Variants in TENM2 observed in about 807,000 individuals in gnomAD.
The protein encoded by TENM2 is teneurin-2.
Under a neutral mutation model 245.2 loss-of-function variants are expected in TENM2, and 52 were observed. That is an observed-to-expected ratio of 0.21 (90% CI 0.17 to 0.27). The LOEUF (loss-of-function observed/expected upper bound fraction) is 0.27. Ranked by LOEUF, TENM2 falls within the 10% of genes least tolerant of loss-of-function variation. The pLI is 1.00. For missense variants in TENM2, 3,046 were observed against 3,666.8 expected (o/e 0.83, Z 4.37); for synonymous variants, 1,363 against 1,438.9 (o/e 0.95, Z 1.19).
intron 2 of TENM2, among the ~76,000 whole-genome samples, chr5:167,473,411 A>C (rs754505749): frequency 6.6e-6 from 1 of 152,220 alleles, no homozygotes; most frequent in Non-Finnish European, 1.5e-5. Context: ...TTCCCTAGAC[A>C]TATTTAAACT....
chr5:167,084,361 A>ATATATG, the TENM2 span, among the ~76,000 whole-genome samples: 1 of 118,424 alleles, frequency 8.4e-6, no homozygotes, highest in Admixed American at 8.9e-5. Flanking sequence ...ATATATATAT[A>ATATATG]TATATACAGA....
chr5:168,236,937 ATCATATATATATATATATATATATATAT>A (rs1562318437), intron 25 of TENM2, among the ~76,000 whole-genome samples: 42 of 61,334 alleles, frequency 6.8e-4, no homozygotes, highest in Non-Finnish European at 1.2e-3. Context: ...AGATGTCCTA[ATCATATATATATATATATATATATATAT>A]ATATATATAT....
At chr5:168,022,114 T>A (rs769059891) in intron 5 of TENM2, among the ~76,000 whole-genome samples, 1 of 152,258 alleles carries the variant, frequency 6.6e-6, no homozygotes, top group Non-Finnish European at 1.5e-5. Flanking sequence ...TAAATAAAGA[T>A]GACCTTTGTT....
chr5:168,207,925 A>T (rs561661818), intron 19 of TENM2, among the ~76,000 whole-genome samples: 3 of 152,182 alleles, frequency 2.0e-5, no homozygotes, highest in Non-Finnish European at 4.4e-5. Context: ...AATGGTTATC[A>T]CCTGCGTGCT....
the TENM2 span, among the ~76,000 whole-genome samples, chr5:167,214,210 G>T: frequency 6.6e-6 from 1 of 152,142 alleles, no homozygotes; most frequent in Non-Finnish European, 1.5e-5. Context: ...CTGATTTACA[G>T]CATTTGCCCC....
chr5:167,065,620 G>A, the TENM2 span, among the ~76,000 whole-genome samples: 1 of 152,206 alleles, frequency 6.6e-6, no homozygotes, highest in African/African-American at 2.4e-5. Context: ...AATACATAGT[G>A]ATGGCTAATA....
At chr5:167,668,959 T>C (rs1755755724) in intron 2 of TENM2, among the ~76,000 whole-genome samples, 1 of 152,032 alleles carries the variant, frequency 6.6e-6, no homozygotes, top group African/African-American at 2.4e-5. Flanking sequence ...GTCTCAAAAA[T>C]AAATAAATAA....
rs1167899330 is a variant in TENM2 at position 168,253,372 on chromosome 5, A to G, written c.7432+5001A>G. Reference sequence around the variant, plus strand: ...ATGACATGTAAAGTGCCTAGCACAGAGCAAAGGCTAATAAAAGCACAGAGC... The same window carrying G: ...ATGACATGTAAAGTGCCTAGCACAGGGCAAAGGCTAATAAAAGCACAGAGC... On this transcript the variant is annotated intron_variant, in intron 27 of 28. Transcript: ENST00000518659. 5.3e-5 allele frequency among the ~76,000 whole-genome samples: 8 copies of G among 152,226 alleles called. No homozygotes were observed. The East Asian group carries it at 1.5e-3, about 29-fold the overall frequency.
the TENM2 span, among the ~76,000 whole-genome samples, chr5:167,190,485 C>G: frequency 1.2e-4 from 18 of 152,050 alleles, no homozygotes; most frequent in East Asian, 2.9e-3. Context: ...ATGTTTGGAA[C>G]CTTGAAAACC....
At chr5:167,847,288 A>G (rs1455634456) in intron 2 of TENM2, among the ~76,000 whole-genome samples, 1 of 152,130 alleles carries the variant, frequency 6.6e-6, no homozygotes, top group African/African-American at 2.4e-5. Flanking sequence ...TGTCTTTTCT[A>G]ACATCCTCTC....
chr5:167,287,961 A>C (rs1754390011), intron 1 of TENM2: 1 of 152,198 alleles, frequency 6.6e-6, no homozygotes, highest in Non-Finnish European at 1.5e-5. Flanking sequence ...CAGTGGTCTG[A>C]TCCCTGGTCA....
chr5:167,903,062 T>C (rs1212940273), intron 3 of TENM2, among the ~76,000 whole-genome samples: 1 of 152,206 alleles, frequency 6.6e-6, no homozygotes, highest in Non-Finnish European at 1.5e-5. Context: ...ACATATATCA[T>C]AGCATCACTT....
chr5:167,886,398 A>T (rs1360793715), intron 3 of TENM2, among the ~76,000 whole-genome samples: 1 of 152,234 alleles, frequency 6.6e-6, no homozygotes, highest in Non-Finnish European at 1.5e-5. Flanking sequence ...CAGTAATGTA[A>T]ACATTGAATA....
intron 2 of TENM2, among the ~76,000 whole-genome samples, chr5:167,523,731 A>G (rs564465346): frequency 1.8e-4 from 27 of 152,280 alleles, no homozygotes; most frequent in Non-Finnish European, 3.1e-4. Context: ...TTAGCACCTA[A>G]TAGAATAATA....
chr5:167,992,607 A>T (rs562044042), intron 4 of TENM2, among the ~76,000 whole-genome samples: 54 of 152,356 alleles, frequency 3.5e-4, no homozygotes, highest in African/African-American at 1.2e-3. Context: ...TTTTTAAAAA[A>T]TAGTAGGTAT....
chr5:167,001,163 A>C, the TENM2 span, among the ~76,000 whole-genome samples: 1 of 152,118 alleles, frequency 6.6e-6, no homozygotes, highest in East Asian at 1.9e-4. Flanking sequence ...ACTTGATGAG[A>C]GGCCTTGACT....
intron 2 of TENM2, among the ~76,000 whole-genome samples, chr5:167,407,335 A>G (rs1762688771): frequency 6.6e-6 from 1 of 152,152 alleles, no homozygotes; most frequent in Non-Finnish European, 1.5e-5. Flanking sequence ...TCTTTAGCAA[A>G]CTAGAACATA....
chr5:168,063,523 A>T (rs1019958792), intron 7 of TENM2, among the ~76,000 whole-genome samples: 1 of 152,094 alleles, frequency 6.6e-6, no homozygotes, highest in Non-Finnish European at 1.5e-5. Flanking sequence ...TTAGGAAAAA[A>T]CCCAAAACAT....
chr5:167,180,025 G>A, the TENM2 span, among the ~76,000 whole-genome samples: 1 of 151,886 alleles, frequency 6.6e-6, no homozygotes, highest in Non-Finnish European at 1.5e-5. Flanking sequence ...GAGTCCTGTT[G>A]GTACTGTTTG....
Sources: allele counts gnomAD v4.1 joint callset (sites outside exome capture counted in the v4.1 genomes callset), GRCh38; gene constraint gnomAD v4.1.1; transcripts MANE v1.5; gene names NCBI Gene and HGNC (gene_info 2026-07-23, HGNC 2026-07-21).